Variants in SIN3B observed in about 807,000 individuals in gnomAD.
The protein encoded by SIN3B is SIN3 transcription regulator family member B.
Under a neutral mutation model 120.2 loss-of-function variants are expected in SIN3B, and 19 were observed. That is an observed-to-expected ratio of 0.16 (90% CI 0.11 to 0.23). The LOEUF (loss-of-function observed/expected upper bound fraction) is 0.23. Ranked by LOEUF, SIN3B falls within the 10% of genes least tolerant of loss-of-function variation. The pLI, the probability that SIN3B is intolerant of heterozygous loss-of-function variation, is 1.00. For synonymous variants in SIN3B, 654 were observed against 653.2 expected (o/e 1.00, Z -0.02); for missense variants, 1,073 against 1,573.0 (o/e 0.68, Z 5.38).
intron 12 of SIN3B, 122 bp downstream of exon 12, chr19:16,866,678 G>A (rs1486478637): frequency 6.4e-6 from 6 of 933,500 alleles, no homozygotes; most frequent in Non-Finnish European, 8.1e-6. Context: ...TTTCAGGGCT[G>A]TGTTGAGGCG....
chr19:16,840,197 C>T (rs771510347), intron 3 of SIN3B, among the ~76,000 whole-genome samples: 5 of 152,138 alleles, frequency 3.3e-5, no homozygotes, highest in South Asian at 2.1e-4. Context: ...CTAGCCCCAG[C>T]GCCTCAGAAC....
At chr19:16,833,368 T>A (rs1242291446) in intron 3 of SIN3B, among the ~76,000 whole-genome samples, 1 of 151,768 alleles carries the variant, frequency 6.6e-6, no homozygotes. Flanking sequence ...GCGCAGTGGC[T>A]CACGCCTGTA....
At chr19:16,829,661 GACCCCTC>G (rs1971252268) in intron 1 of SIN3B, 121 bp downstream of exon 1, 1 of 1,106,110 alleles carries the variant, frequency 9.0e-7, no homozygotes. Context: ...CACTGCCCCG[GACCCCTC>G]ACCCCTCACC....
chr19:16,845,528 C>T (rs1468173805), intron 4 of SIN3B, among the ~76,000 whole-genome samples: 1 of 152,224 alleles, frequency 6.6e-6, no homozygotes, highest in Non-Finnish European at 1.5e-5. Flanking sequence ...CTACCTTGGC[C>T]TCCCAAAGTG....
At chr19:16,853,966 C>T (rs1389333088) in intron 7 of SIN3B, among the ~76,000 whole-genome samples, 177 bp from the exon 8 acceptor site, 1 of 136,784 alleles carries the variant, frequency 7.3e-6, no homozygotes, top group Non-Finnish European at 1.6e-5. Flanking sequence ...CTGCACAGGC[C>T]GTGAATTGGT....
At chr19:16,850,855 G>A (rs1971535059) in intron 5 of SIN3B, among the ~76,000 whole-genome samples, 1 of 152,242 alleles carries the variant, frequency 6.6e-6, no homozygotes. Context: ...GATGGCTGGA[G>A]CCTGGGAGGC....
At chr19:16,846,911 G>T in intron 4 of SIN3B, 59 bp from the exon 5 acceptor site, 1 of 1,566,320 alleles carries the variant, frequency 6.4e-7, no homozygotes, top group Non-Finnish European at 8.7e-7. Flanking sequence ...GAGTGTCCCG[G>T]CCCAGGGCAC....
chr19:16,864,508 T>A (rs541300147), intron 10 of SIN3B, among the ~76,000 whole-genome samples: 77 of 151,346 alleles, frequency 5.1e-4, no homozygotes, highest in Middle Eastern at 3.4e-3. Context: ...TTTTTTACTT[T>A]TTTTGTAGAC....
chr19:16,848,746 C>A (rs1230108709), intron 5 of SIN3B, among the ~76,000 whole-genome samples: 1 of 152,242 alleles, frequency 6.6e-6, no homozygotes, highest in Non-Finnish European at 1.5e-5. Context: ...AGCGATCCAC[C>A]TGCCTCAGTC....
intron 3 of SIN3B, among the ~76,000 whole-genome samples, chr19:16,837,719 A>G (rs1457313483): frequency 6.6e-6 from 1 of 152,152 alleles, no homozygotes; most frequent in Non-Finnish European, 1.5e-5. Flanking sequence ...GACAAGGACC[A>G]GAGGGGGTTC....
intron 8 of SIN3B, 56 bp downstream of exon 8, chr19:16,854,317 T>G: frequency 1.8e-6 from 2 of 1,113,450 alleles, no homozygotes; most frequent in South Asian, 2.8e-5. Flanking sequence ...GTCAACTCCA[T>G]CTACTTGGTT....
At chr19:16,834,796 G>A (rs1193453070) in intron 3 of SIN3B, among the ~76,000 whole-genome samples, 1 of 152,104 alleles carries the variant, frequency 6.6e-6, no homozygotes, top group African/African-American at 2.4e-5. Flanking sequence ...CATGACTCGC[G>A]TGGCTTCAGG....
chr19:16,864,089 T>C (rs1971727293), intron 10 of SIN3B, among the ~76,000 whole-genome samples: 1 of 152,046 alleles, frequency 6.6e-6, no homozygotes, highest in Admixed American at 6.6e-5. Context: ...AGCTCAGGAG[T>C]TTGAGACCAG....
intron 7 of SIN3B, 79 bp from the exon 8 acceptor site, chr19:16,854,064 G>A (rs1315364361): frequency 9.8e-7 from 1 of 1,016,746 alleles, no homozygotes; most frequent in African/African-American, 1.6e-5. Context: ...GCACACCCAT[G>A]TGGCTGACCT....
In SIN3B at chr19:16,878,199, C is replaced by T. The variant is rs182647749; in HGVS notation, c.2971C>T (p.Arg991Cys). 1.2e-4 allele frequency: 194 copies of T among 1,576,524 alleles called. No individual in the cohort carries two copies. In the East Asian group the frequency reaches 3.6e-3, roughly 29 times the overall value. The change falls in exon 18 of 19, where the codon CGC becomes TGC. Residue 991 changes from arginine (R) to cysteine (C), a missense_variant. Coordinates refer to ENST00000248054, the MANE Select transcript of SIN3B (RefSeq NM_001297595.2). Reference protein sequence around the residue: ...VFLQRNLKKFRRRWQSEQARA... With the variant: ...VFLQRNLKKFCRRWQSEQARA... ...CGCCCCCAGGAACCTCAAGAAGTTC[C>T]GCCGCCGGTGGCAGAGCGAGCAGGC... is the stretch of plus-strand genomic sequence containing the variant.
intron 8 of SIN3B, chr19:16,855,534 A>G (rs1479515856): frequency 3.3e-5 from 5 of 152,112 alleles, no homozygotes; most frequent in Middle Eastern, 6.8e-3. Context: ...AAGCCTGGCC[A>G]ACATGGTGGA....
chr19:16,875,051 G>A (rs913565512), intron 14 of SIN3B, among the ~76,000 whole-genome samples: 1 of 150,818 alleles, frequency 6.6e-6, no homozygotes, highest in Non-Finnish European at 1.5e-5. Context: ...TCTGGTTTTG[G>A]TCTGGTTTGG....
chr19:16,831,929 C>T (rs1971283966), intron 3 of SIN3B, among the ~76,000 whole-genome samples: 1 of 152,186 alleles, frequency 6.6e-6, no homozygotes, highest in Non-Finnish European at 1.5e-5. Flanking sequence ...GTCTAAATAA[C>T]CACCTCAGCA....
At chr19:16,864,814 G>T in intron 10 of SIN3B, among the ~76,000 whole-genome samples, 1 of 149,758 alleles carries the variant, frequency 6.7e-6, no homozygotes. Context: ...AACAAAGCAA[G>T]AGCCCATCTA....
Sources: allele counts gnomAD v4.1 joint callset (sites outside exome capture counted in the v4.1 genomes callset), GRCh38; gene constraint gnomAD v4.1.1; transcripts MANE v1.5; gene names NCBI Gene and HGNC (gene_info 2026-07-23, HGNC 2026-07-21).